Variants in RARB observed in about 807,000 individuals in gnomAD.
RARB encodes HBV-activated protein.
In RARB, 17 loss-of-function variants were observed where a neutral mutation model predicts 51.9. That is an observed-to-expected ratio of 0.33 (90% CI 0.22 to 0.49). RARB has a LOEUF of 0.49. Among genes scored for constraint, RARB ranks in the 20% least tolerant of loss-of-function variants. The pLI is 0.99. For missense variants in RARB, 369 were observed against 550.8 expected (o/e 0.67, Z 3.30); for synonymous variants, 215 against 195.4 (o/e 1.10, Z -0.84).
chr3:24,873,318 ATTTAACTTCG>A (rs1156419584), intron 2 of RARB, among the ~76,000 whole-genome samples: 1 of 151,492 alleles, frequency 6.6e-6, no homozygotes, highest in African/African-American at 2.4e-5. Context: ...ATTTAACTTC[ATTTAACTTCG>A]TTAATGGTTA....
intron 5 of RARB, among the ~76,000 whole-genome samples, chr3:25,246,054 T>C (rs1702552668): frequency 6.6e-6 from 1 of 152,050 alleles, no homozygotes; most frequent in Non-Finnish European, 1.5e-5. Flanking sequence ...TCTTCATGCT[T>C]TATTTCTTTA....
intron 2 of RARB, among the ~76,000 whole-genome samples, chr3:25,007,605 C>CAACAAAAAAA (rs1559431424): frequency 6.6e-5 from 4 of 60,640 alleles, no homozygotes; most frequent in African/African-American, 2.3e-4. Flanking sequence ...AAAAAAAAAA[C>CAACAAAAAAA]AAAAAAACCT....
At chr3:25,075,393 T>G (rs78527773) in intron 3 of RARB, among the ~76,000 whole-genome samples, 4,203 of 152,234 alleles carry the variant, frequency 0.028, 194 homozygotes, top group African/African-American at 0.096. Context: ...ACCTTTTCTG[T>G]GCAGTAATTT....
intron 5 of RARB, among the ~76,000 whole-genome samples, chr3:25,178,050 C>T (rs977877478): frequency 1.1e-4 from 17 of 151,832 alleles, no homozygotes; most frequent in African/African-American, 3.9e-4. Context: ...AGGGGGTGGG[C>T]CCTGTTCTTT....
chr3:25,140,959 C>T (rs892238818), intron 4 of RARB, among the ~76,000 whole-genome samples: 1 of 152,012 alleles, frequency 6.6e-6, no homozygotes, highest in Non-Finnish European at 1.5e-5. Flanking sequence ...CTTTTTTAGA[C>T]ACAATGCTGA....
chr3:25,072,040 C>G (rs1698776611), intron 3 of RARB, among the ~76,000 whole-genome samples: 1 of 152,184 alleles, frequency 6.6e-6, no homozygotes, highest in South Asian at 2.1e-4. Context: ...GTTGTCTTTG[C>G]CCTGTGGCGG....
In RARB at chr3:25,186,592, T is replaced by A. The variant is rs150251780; in HGVS notation, c.178+12017T>A. 2.3e-3 allele frequency among the ~76,000 whole-genome samples: 354 copies of A among 152,198 alleles called. 2 individuals are homozygous for A. Among genetic ancestry groups the A allele is most frequent in the East Asian group, 0.02 (105 of 5,164 alleles). On this transcript the variant is annotated intron_variant, in intron 5 of 11. Coordinates refer to the RARB transcript ENST00000383772. Reference sequence around the variant, plus strand: ...GTATATTCACTAAATTGAATATTATTCATCAGTGAAAATTTATACACCACG... The same window carrying A: ...GTATATTCACTAAATTGAATATTATACATCAGTGAAAATTTATACACCACG...
chr3:25,262,976 C>T (rs1057506548), intron 5 of RARB, among the ~76,000 whole-genome samples: 1 of 152,090 alleles, frequency 6.6e-6, no homozygotes, highest in African/African-American at 2.4e-5. Flanking sequence ...ATTTTTGAAT[C>T]CCTGCCTTAA....
intron 4 of RARB, among the ~76,000 whole-genome samples, chr3:25,143,205 TAGCTAGCAGC>T (rs1459433194): frequency 2.0e-5 from 3 of 152,160 alleles, no homozygotes; most frequent in Non-Finnish European, 4.4e-5. Context: ...GTTTGTAATT[TAGCTAGCAGC>T]TGCTAGCAGC....
intron 5 of RARB, among the ~76,000 whole-genome samples, chr3:25,344,618 A>T (rs1705331523): frequency 1.3e-5 from 2 of 152,228 alleles, no homozygotes; most frequent in South Asian, 4.1e-4. Context: ...GAAAGTTCCA[A>T]GATGGGACCC....
At chr3:25,551,741 C>T (rs150966027) in intron 3 of RARB, among the ~76,000 whole-genome samples, 2 of 152,232 alleles carry the variant, frequency 1.3e-5, no homozygotes, top group East Asian at 3.9e-4. Context: ...GGGCTAGGGA[C>T]ACTCCCAGAG....
intron 3 of RARB, among the ~76,000 whole-genome samples, chr3:25,543,450 G>A (rs1442627335): frequency 1.5e-4 from 23 of 152,064 alleles, no homozygotes; most frequent in Admixed American, 3.9e-4. Flanking sequence ...TAATTAAACC[G>A]TGTACTTCAA....
intron 3 of RARB, among the ~76,000 whole-genome samples, chr3:25,085,249 A>G (rs951353629): frequency 3.9e-5 from 6 of 152,190 alleles, no homozygotes; most frequent in Non-Finnish European, 7.4e-5. Context: ...AAACATAACA[A>G]TGTAAATGTA....
Position 24,892,786 on chromosome 3 carries a change from C to G in RARB, c.-380+34034C>G, listed in dbSNP as rs550572734. On this transcript the variant is annotated intron_variant, in intron 2 of 11. Transcript: ENST00000383772. The stretch of plus-strand genomic sequence containing the variant: ...GTAACATATACTATTACAAGAAATG[C>G]GGGAGACATACCCCTCAAACATCTT... Among the ~76,000 whole-genome samples, 4 of 152,152 alleles carry G rather than the reference C, an allele frequency of 2.6e-5. No homozygotes were observed. In the East Asian group the frequency reaches 5.8e-4, roughly 22 times the overall value.
chr3:25,052,696 A>G (rs1698355707), intron 2 of RARB, among the ~76,000 whole-genome samples: 2 of 152,166 alleles, frequency 1.3e-5, no homozygotes, highest in Non-Finnish European at 2.9e-5. Context: ...TCTTCAGGTG[A>G]AAATAGTAAA....
intron 2 of RARB, among the ~76,000 whole-genome samples, chr3:24,945,961 T>C (rs1229879023): frequency 1.3e-5 from 2 of 152,204 alleles, no homozygotes; most frequent in South Asian, 2.1e-4. Context: ...AACTATCTTA[T>C]AGTGTATTAC....
intron 5 of RARB, among the ~76,000 whole-genome samples, chr3:25,321,329 A>G (rs1704562720): frequency 6.6e-6 from 1 of 152,232 alleles, no homozygotes; most frequent in African/African-American, 2.4e-5. Flanking sequence ...GCCAAAGGTA[A>G]CTGAATATTG....
chr3:25,578,468 G>A (rs2125301886), intron 4 of RARB, among the ~76,000 whole-genome samples: 1 of 152,330 alleles, frequency 6.6e-6, no homozygotes, highest in Middle Eastern at 3.4e-3. Context: ...TGCTGGGTCG[G>A]GGCAATGTCT....
intron 5 of RARB, among the ~76,000 whole-genome samples, chr3:25,265,521 G>A (rs1329895279): frequency 6.6e-6 from 1 of 152,146 alleles, no homozygotes; most frequent in Non-Finnish European, 1.5e-5. Flanking sequence ...CACCCAGGCT[G>A]CAGTGCAGTG....
Sources: gnomAD v4.1 joint callset for allele counts (sites outside exome capture counted in the v4.1 genomes callset) on GRCh38, gnomAD v4.1.1 for gene constraint, MANE v1.5 for transcripts, NCBI Gene and HGNC (gene_info 2026-07-23, HGNC 2026-07-21) for gene names.